DPF3: variants seen among roughly 807,000 people sequenced by gnomAD.
DPF3 encodes the protein double PHD fingers 3, also known as zinc finger protein DPF3.
Under a neutral mutation model 56.8 loss-of-function variants are expected in DPF3, and 18 were observed. The observed-to-expected ratio is 0.32, with a 90% CI of 0.22 to 0.47. The LOEUF is 0.47. Ranked by LOEUF, DPF3 falls within the 20% of genes least tolerant of loss-of-function variation. The pLI is 1.00. For synonymous variants in DPF3, 188 were observed against 180.2 expected (o/e 1.04, Z -0.35); for missense variants, 403 against 488.8 (o/e 0.82, Z 1.65).
chr14:72,775,483 T>C (rs1891709613), intron 1 of DPF3, among the ~76,000 whole-genome samples: 1 of 152,190 alleles, frequency 6.6e-6, no homozygotes, highest in Non-Finnish European at 1.5e-5. Flanking sequence ...ATCGAGAATG[T>C]CAAACAAAGT....
At chr14:72,803,097 T>G (rs1892952423) in intron 1 of DPF3, among the ~76,000 whole-genome samples, 1 of 152,222 alleles carries the variant, frequency 6.6e-6, no homozygotes, top group Non-Finnish European at 1.5e-5. Flanking sequence ...TAGTATAACA[T>G]GTGCCTTCCT....
intron 1 of DPF3, among the ~76,000 whole-genome samples, chr14:72,839,600 C>T (rs951357665): frequency 1.3e-5 from 2 of 152,192 alleles, no homozygotes; most frequent in East Asian, 1.9e-4. Context: ...CTCACAAGCC[C>T]GTCTGCCTTT....
At chr14:72,751,570 G>A (rs1477384516) in intron 3 of DPF3, among the ~76,000 whole-genome samples, 1 of 152,218 alleles carries the variant, frequency 6.6e-6, no homozygotes, top group Non-Finnish European at 1.5e-5. Context: ...CTAGCCACCT[G>A]TGGCTACTGA....
intron 6 of DPF3, among the ~76,000 whole-genome samples, chr14:72,704,150 C>T (rs1351478624): frequency 6.6e-6 from 1 of 152,216 alleles, no homozygotes; most frequent in African/African-American, 2.4e-5. Flanking sequence ...AGCTTTCTGA[C>T]TCCGGAGCCA....
chr14:72,686,943 C>A (rs1380375879), intron 7 of DPF3, among the ~76,000 whole-genome samples: 3 of 152,212 alleles, frequency 2.0e-5, no homozygotes, highest in African/African-American at 7.2e-5. Context: ...GCCCTCAAGC[C>A]ATATGTTAGA....
chr14:72,699,800 G>A (rs1414599337), intron 6 of DPF3, among the ~76,000 whole-genome samples: 1 of 152,250 alleles, frequency 6.6e-6, no homozygotes, highest in African/African-American at 2.4e-5. Flanking sequence ...CCTGAGAAGG[G>A]TCAAGAAGGT....
chr14:72,704,152 C>G (rs1342403473), intron 6 of DPF3, among the ~76,000 whole-genome samples: 1 of 152,172 alleles, frequency 6.6e-6, no homozygotes, highest in Non-Finnish European at 1.5e-5. Context: ...CTTTCTGACT[C>G]CGGAGCCACC....
At chr14:72,711,083 G>A (rs1888633506) in intron 6 of DPF3, among the ~76,000 whole-genome samples, 1 of 152,222 alleles carries the variant, frequency 6.6e-6, no homozygotes, top group Non-Finnish European at 1.5e-5. Context: ...ATTCAGGAAT[G>A]CATTCCAGGA....
At chr14:72,743,275 C>G (rs1317144526) in intron 3 of DPF3, among the ~76,000 whole-genome samples, 1 of 152,076 alleles carries the variant, frequency 6.6e-6, no homozygotes, top group Non-Finnish European at 1.5e-5. Flanking sequence ...ACAGGAGGAG[C>G]GTCAACTGTA....
chr14:72,679,182 G>T (rs1887045709), intron 7 of DPF3: 1 of 152,178 alleles, frequency 6.6e-6, no homozygotes, highest in Admixed American at 6.5e-5. Flanking sequence ...CCTCCCAGTC[G>T]GATCTCCGCT....
At chr14:72,686,561 A>T (rs981950313) in intron 7 of DPF3, among the ~76,000 whole-genome samples, 4 of 152,222 alleles carry the variant, frequency 2.6e-5, no homozygotes, top group Non-Finnish European at 4.4e-5. Flanking sequence ...AGGGTCAAGG[A>T]TGTAGATGAC....
intron 2 of DPF3, among the ~76,000 whole-genome samples, chr14:72,769,716 A>AGAATCCT (rs1419039204): frequency 6.6e-6 from 1 of 151,090 alleles, no homozygotes; most frequent in African/African-American, 2.4e-5. Context: ...AGCACTGGCC[A>AGAATCCT]GAATCCTGAA....
At chr14:72,861,750 A>AAGAAAGAAAGAAG (rs1885428689) in intron 1 of DPF3, among the ~76,000 whole-genome samples, 1 of 12,398 alleles carries the variant, frequency 8.1e-5, no homozygotes, top group Non-Finnish European at 1.6e-4. Flanking sequence ...AAAGAAAGAA[A>AAGAAAGAAAGAAG]GAAAGAAAGA....
intron 5 of DPF3, 116 bp from the exon 6 acceptor site, chr14:72,714,617 G>C: frequency 8.5e-7 from 1 of 1,172,626 alleles, no homozygotes; most frequent in Non-Finnish European, 1.2e-6. Context: ...GCCAACACCA[G>C]TCCCATCTTA....
rs61188157 is a variant in DPF3 at position 72,806,413 on chromosome 14, T to C, written c.33-34520A>G. Among the ~76,000 whole-genome samples the C allele has an allele frequency of 2.1e-3, 325 of 152,244 alleles. 1 individual carries two copies. Among genetic ancestry groups the C allele is most frequent in the African/African-American group, 7.5e-3 (312 of 41,534 alleles). On this transcript the variant is annotated intron_variant, in intron 1 of 10. Transcript: ENST00000556509. ...TGAGCCCCTGCTAGGCAGTGGGGAT[T>C]TGGCAATAAGACCCAGTCCTTAGTC...
intron 3 of DPF3, among the ~76,000 whole-genome samples, chr14:72,751,531 T>G (rs1372957001): frequency 1.3e-5 from 2 of 152,190 alleles, no homozygotes; most frequent in African/African-American, 2.4e-5. Flanking sequence ...AATGTAGGTC[T>G]AGAACCACAC....
At chr14:72,677,738 A>G (rs1886976459) in intron 7 of DPF3, among the ~76,000 whole-genome samples, 1 of 152,148 alleles carries the variant, frequency 6.6e-6, no homozygotes, top group Non-Finnish European at 1.5e-5. Context: ...GAGCTGGTCC[A>G]TGTGTGCATG....
At chr14:72,759,280 G>GA (rs924217092) in intron 2 of DPF3, among the ~76,000 whole-genome samples, 10 of 150,506 alleles carry the variant, frequency 6.6e-5, no homozygotes, top group Admixed American at 4.0e-4. Context: ...AAACAGAAAA[G>GA]AAAAAAAAAT....
chr14:72,832,535 C>T (rs1884103747), intron 1 of DPF3, among the ~76,000 whole-genome samples: 1 of 152,182 alleles, frequency 6.6e-6, no homozygotes, highest in Non-Finnish European at 1.5e-5. Flanking sequence ...TACATATATT[C>T]TGGTCACACC....
Sources: gnomAD v4.1 joint callset for allele counts (sites outside exome capture counted in the v4.1 genomes callset) on GRCh38, gnomAD v4.1.1 for gene constraint, MANE v1.5 for transcripts, NCBI Gene and HGNC (gene_info 2026-07-23, HGNC 2026-07-21) for gene names.